Variants in NAV3 observed in about 807,000 individuals in gnomAD.
NAV3 encodes the protein neuron navigator 3.
Under a neutral mutation model 244.7 loss-of-function variants are expected in NAV3, and 87 were observed. The ratio of observed to expected loss-of-function variants is 0.36; its 90% CI spans 0.30 to 0.42. NAV3 has a LOEUF of 0.42. NAV3 is among the 20% of genes least tolerant of loss of function. The pLI is 1.00. For missense variants in NAV3, 2,663 were observed against 2,893.3 expected (o/e 0.92, Z 1.83); for synonymous variants, 1,126 against 1,042.2 (o/e 1.08, Z -1.55).
intron 2 of NAV3, among the ~76,000 whole-genome samples, chr12:77,722,700 A>G (rs1282409705): frequency 6.6e-6 from 1 of 151,928 alleles, no homozygotes; most frequent in Non-Finnish European, 1.5e-5. Flanking sequence ...TGCTTTGTTT[A>G]TATAGGGAAA....
chr12:77,631,491 A>T (rs1338006695), intron 2 of NAV3, among the ~76,000 whole-genome samples: 1 of 151,846 alleles, frequency 6.6e-6, no homozygotes, highest in African/African-American at 2.4e-5. Context: ...AAAAGCTTAG[A>T]TCTCATTAGC....
At chr12:77,638,349 A>C (rs1251080630) in intron 2 of NAV3, among the ~76,000 whole-genome samples, 2 of 143,558 alleles carry the variant, frequency 1.4e-5, no homozygotes, top group African/African-American at 5.5e-5. Flanking sequence ...GCTTTGCTTT[A>C]CTTCATCATT....
rs1343289791 is a variant in NAV3 at position 78,211,210 on chromosome 12, C to T, written c.*693C>T. 6.6e-6 allele frequency: 1 copy of T among 152,662 alleles called. No homozygotes were observed. The highest frequency in any genetic ancestry group is 2.4e-5 in the African/African-American group (1 of 41,468). The allele number at this position is 152,662 out of a possible 1,614,324, so 9.5% of individuals were successfully genotyped here. ...TTACCACAGTGGTCTTTTTAAACCACCTGCCCACTCCCTTAACAAGAGTTT... is the reference window on the plus strand; with the variant it reads ...TTACCACAGTGGTCTTTTTAAACCATCTGCCCACTCCCTTAACAAGAGTTT... On this transcript the variant is annotated 3_prime_UTR_variant, in exon 40 of 40. Transcript: ENST00000397909.
intron 2 of NAV3, among the ~76,000 whole-genome samples, chr12:77,594,819 A>C (rs1396689411): frequency 6.6e-6 from 1 of 152,216 alleles, no homozygotes; most frequent in African/African-American, 2.4e-5. Context: ...AATAAATTTC[A>C]GTAGGTAAAT....
intron 38 of NAV3, among the ~76,000 whole-genome samples, chr12:78,203,686 G>A (rs1959982175): frequency 6.6e-6 from 1 of 152,050 alleles, no homozygotes. Flanking sequence ...ACCAAAGTAT[G>A]TCATCTGAGA....
At chr12:78,021,934 A>G (rs937674476) in intron 9 of NAV3, 72 bp downstream of exon 9, 6 of 901,738 alleles carry the variant, frequency 6.7e-6, no homozygotes, top group Non-Finnish European at 8.6e-6. Context: ...TTTTTATTAA[A>G]TCATATATGT....
intron 3 of NAV3, among the ~76,000 whole-genome samples, chr12:77,950,098 GTTA>G (rs1206874653): frequency 2.6e-5 from 4 of 152,108 alleles, no homozygotes; most frequent in Non-Finnish European, 5.9e-5. Context: ...AGTTTTGGCA[GTTA>G]TGAAGAAAAC....
rs112680374 is a variant in NAV3 at position 77,901,542 on chromosome 12, G to A, written c.244-38777G>A. On this transcript the variant is annotated intron_variant, in intron 1 of 39. Coordinates refer to ENST00000397909, the MANE Select transcript of NAV3 (RefSeq NM_001024383.2). The stretch of plus-strand genomic sequence containing the variant: ...CTGGCCAACATGGTGAAACCCCATC[G>A]CTACTAAAAATACAAAAATTAACCA... Among the ~76,000 whole-genome samples, 16 of 151,832 alleles carry A rather than the reference G, an allele frequency of 1.1e-4. No individual in the cohort carries two copies. The South Asian group carries it at 1.2e-3, about 12-fold the overall frequency.
intron 5 of NAV3, among the ~76,000 whole-genome samples, chr12:77,986,488 G>A (rs992449392): frequency 2.0e-5 from 3 of 152,132 alleles, no homozygotes; most frequent in African/African-American, 4.8e-5. Context: ...TTTGTAAGAA[G>A]CTTGATAGAA....
intron 5 of NAV3, among the ~76,000 whole-genome samples, chr12:77,977,302 T>C (rs1450517876): frequency 6.6e-6 from 1 of 152,150 alleles, no homozygotes; most frequent in East Asian, 1.9e-4. Context: ...ACAATTTGTA[T>C]GTGTCAATTA....
chr12:77,749,455 G>T (rs918171830), intron 2 of NAV3, among the ~76,000 whole-genome samples: 1 of 152,078 alleles, frequency 6.6e-6, no homozygotes, highest in Non-Finnish European at 1.5e-5. Flanking sequence ...TGATGGATGG[G>T]AAAGGCCATA....
At chr12:77,704,261 G>A (rs1875691934) in intron 2 of NAV3, among the ~76,000 whole-genome samples, 1 of 152,166 alleles carries the variant, frequency 6.6e-6, no homozygotes, top group African/African-American at 2.4e-5. Flanking sequence ...TTTTGTCTGT[G>A]TATGGGTGTG....
intron 3 of NAV3, among the ~76,000 whole-genome samples, chr12:77,955,216 A>G (rs1891254218): frequency 6.6e-6 from 1 of 152,176 alleles, no homozygotes; most frequent in Non-Finnish European, 1.5e-5. Flanking sequence ...AGTCAATTCA[A>G]CATTCCTGGC....
intron 1 of NAV3, among the ~76,000 whole-genome samples, chr12:77,882,762 G>A (rs763453508): frequency 6.6e-6 from 1 of 152,082 alleles, no homozygotes; most frequent in East Asian, 1.9e-4. Context: ...TATTAAAAAT[G>A]AGCAAAGGAT....
At chr12:77,833,146 T>C (rs1874005321) in intron 1 of NAV3, among the ~76,000 whole-genome samples, 1 of 152,180 alleles carries the variant, frequency 6.6e-6, no homozygotes, top group African/African-American at 2.4e-5. Flanking sequence ...GAAATGCTTG[T>C]GTATTTTAAT....
At chr12:77,792,155 T>A (rs539976440) in intron 2 of NAV3, among the ~76,000 whole-genome samples, 7 of 152,332 alleles carry the variant, frequency 4.6e-5, no homozygotes, top group East Asian at 1.9e-4. Context: ...CTGTCTTTTT[T>A]AAAAAACTCT....
At position 77,862,544 on chromosome 12, in the gene NAV3, T is replaced by C. The variant is rs558060988; in HGVS notation, c.243+30840T>C. ...TTTATTTTGGCTTGATGTTTTGTTC[T>C]GAGATGGAATGAAAGGAGAAAACGT... is the stretch of plus-strand genomic sequence containing the variant. On this transcript the variant is annotated intron_variant, in intron 1 of 39. Coordinates refer to ENST00000397909, the MANE Select transcript of NAV3 (RefSeq NM_001024383.2). 9.2e-5 allele frequency among the ~76,000 whole-genome samples: 14 copies of C among 151,942 alleles called. 1 individual carries two copies. The South Asian group carries it at 2.9e-3, about 32-fold the overall frequency.
At chr12:78,161,241 T>C (rs1957532899) in intron 23 of NAV3, among the ~76,000 whole-genome samples, 1 of 152,116 alleles carries the variant, frequency 6.6e-6, no homozygotes, top group African/African-American at 2.4e-5. Flanking sequence ...GTAAATCAGA[T>C]ACTGTTATCA....
chr12:77,572,327 T>C (rs1868865316), intron 2 of NAV3: 1 of 154,138 alleles, frequency 6.5e-6, no homozygotes, highest in South Asian at 2.0e-4. Context: ...ATTTTTGAAA[T>C]TGAAAATGAA....
Sources: allele counts gnomAD v4.1 joint callset (sites outside exome capture counted in the v4.1 genomes callset), GRCh38; gene constraint gnomAD v4.1.1; transcripts MANE v1.5; gene names NCBI Gene and HGNC (gene_info 2026-07-23, HGNC 2026-07-21).